SOX5: variants seen among roughly 807,000 people sequenced by gnomAD.
SOX5 encodes SRY-box transcription factor 5, also known as transcription factor SOX-5.
A neutral mutation model predicts 92.0 loss-of-function variants in SOX5; 9 were observed. The observed-to-expected ratio is 0.10, with a 90% CI of 0.06 to 0.17. The LOEUF (loss-of-function observed/expected upper bound fraction) is 0.17. Among genes scored for constraint, SOX5 ranks in the 10% least tolerant of loss-of-function variants. The pLI is 1.00. For synonymous variants in SOX5, 344 were observed against 336.3 expected (o/e 1.02, Z -0.25); for missense variants, 642 against 944.5 (o/e 0.68, Z 4.20).
intron 7 of SOX5, among the ~76,000 whole-genome samples, chr12:23,644,198 C>T (rs879256444): frequency 6.6e-6 from 1 of 152,148 alleles, no homozygotes; most frequent in Non-Finnish European, 1.5e-5. Context: ...TGTGGAAAGA[C>T]TCATATAGCA....
chr12:23,707,738 C>T (rs2091580671), intron 6 of SOX5, among the ~76,000 whole-genome samples: 5 of 151,934 alleles, frequency 3.3e-5, no homozygotes, highest in Middle Eastern at 6.8e-3. Context: ...TATTTTTTAA[C>T]ATAATGTGAC....
chr12:24,445,857 A>G (rs1941389584), intron 1 of SOX5, among the ~76,000 whole-genome samples: 1 of 152,188 alleles, frequency 6.6e-6, no homozygotes, highest in Non-Finnish European at 1.5e-5. Flanking sequence ...ATTGATGGGA[A>G]CAGGGTTAGC....
intron 2 of SOX5, among the ~76,000 whole-genome samples, chr12:24,357,093 AAAT>A (rs368730417): frequency 1.0e-3 from 159 of 152,366 alleles, no homozygotes; most frequent in African/African-American, 3.7e-3. Context: ...AATGTCTTAC[AAAT>A]AATAATTTCT....
At chr12:23,676,438 G>A (rs909285914) in intron 6 of SOX5, among the ~76,000 whole-genome samples, 1 of 152,054 alleles carries the variant, frequency 6.6e-6, no homozygotes, top group Non-Finnish European at 1.5e-5. Context: ...CTCAAAACCC[G>A]GCTTAAGTGT....
At chr12:23,973,451 GC>G (rs1156407813) in intron 4 of SOX5, among the ~76,000 whole-genome samples, 1 of 152,112 alleles carries the variant, frequency 6.6e-6, no homozygotes, top group Admixed American at 6.5e-5. Context: ...GAGCTGCGGT[GC>G]CCAGCCAGAA....
intron 1 of SOX5, among the ~76,000 whole-genome samples, chr12:24,388,943 A>C (rs1958692999): frequency 6.6e-6 from 1 of 152,074 alleles, no homozygotes; most frequent in South Asian, 2.1e-4. Flanking sequence ...AGCATGTATC[A>C]ATATATTATT....
At chr12:23,773,192 T>G (rs2094989845) in intron 3 of SOX5, among the ~76,000 whole-genome samples, 1 of 152,160 alleles carries the variant, frequency 6.6e-6, no homozygotes, top group African/African-American at 2.4e-5. Context: ...TTTATATATA[T>G]AGATATGAGT....
chr12:24,082,840 T>C (rs1210744272), intron 4 of SOX5, among the ~76,000 whole-genome samples: 2 of 151,978 alleles, frequency 1.3e-5, no homozygotes, highest in African/African-American at 4.8e-5. Flanking sequence ...ATATACTTTA[T>C]AAATTCTTCA....
rs1323015090 is a variant in SOX5, at chr12:23,604,479, G to C, written c.1072C>G (p.Pro358Ala). The part of the protein sequence containing the change: ...AMQVSPGGKL[P>A]GIPQGNLGAA... ...CCAAGGTTGCCTTGGGGTATGCCTG[G>C]CAGCTTCCCTCCTGGAGATACCTGC... Residue 358 changes from proline (P) to alanine (A), a missense_variant, in exon 9 of 15, where the codon CCA becomes GCA. Pro to Ala is a conservative substitution (Grantham distance 27). Around this residue, in one of 8 missense-constraint regions of SOX5, gnomAD observed 324 missense variants for 461.6 expected, o/e 0.70. Coordinates refer to ENST00000451604, the MANE Select transcript of SOX5 (RefSeq NM_006940.6). 6.2e-7 allele frequency: 1 copy of C among 1,613,772 alleles called. No homozygotes were observed. Among genetic ancestry groups the C allele is most frequent in the Admixed American group, 1.7e-5 (1 of 59,972 alleles).
chr12:23,752,566 T>C (rs1414694937), intron 4 of SOX5, among the ~76,000 whole-genome samples: 1 of 151,814 alleles, frequency 6.6e-6, no homozygotes, highest in Non-Finnish European at 1.5e-5. Flanking sequence ...ACCTTCGGTG[T>C]AATGGAATTT....
intron 3 of SOX5, among the ~76,000 whole-genome samples, chr12:24,217,845 A>G (rs1959390932): frequency 6.6e-6 from 1 of 152,232 alleles, no homozygotes; most frequent in Non-Finnish European, 1.5e-5. Flanking sequence ...GATCTGATAG[A>G]CATTTCACTA....
At chr12:24,331,114 C>A (rs1951256727) in intron 2 of SOX5, among the ~76,000 whole-genome samples, 2 of 152,018 alleles carry the variant, frequency 1.3e-5, no homozygotes, top group Non-Finnish European at 2.9e-5. Flanking sequence ...AAACAGTCAG[C>A]TTCCCAAGTC....
chr12:23,708,772 G>T (rs1232545027), intron 6 of SOX5, among the ~76,000 whole-genome samples: 7 of 152,140 alleles, frequency 4.6e-5, no homozygotes, highest in Non-Finnish European at 1.0e-4. Context: ...GCGGTGGAAG[G>T]CATCAAAAAT....
intron 2 of SOX5, among the ~76,000 whole-genome samples, chr12:24,310,734 T>C (rs1313631150): frequency 6.6e-6 from 1 of 152,146 alleles, no homozygotes; most frequent in African/African-American, 2.4e-5. Context: ...TGAATTCCAT[T>C]TGCAAATAAC....
At position 24,065,633 on chromosome 12, in the gene SOX5, G is replaced by A. The variant is rs376372545; in HGVS notation, c.-2+147710C>T. Among the ~76,000 whole-genome samples, 158 of 123,688 alleles carry A rather than the reference G, an allele frequency of 1.3e-3. 1 individual carries two copies. In the East Asian group the frequency reaches 0.02, roughly 16 times the overall value. The allele number at this position is 123,688 out of a possible 152,430, so 81.1% of individuals were successfully genotyped here. A position where few individuals can be genotyped will look rare whatever the true frequency, so the allele number is the denominator to read the frequency against. ...CTACACTCCAGCCTGGCGACAGAGCGAGACTCCATCTCAAAAAAAAAAAAA... is the reference window on the plus strand; with the variant it reads ...CTACACTCCAGCCTGGCGACAGAGCAAGACTCCATCTCAAAAAAAAAAAAA... On this transcript the variant is annotated intron_variant, in intron 4 of 4. Coordinates refer to the SOX5 transcript ENST00000446891.
rs367659179 is a variant in SOX5 at position 23,845,969 on chromosome 12, C to G, written c.481+14G>C. 6.8e-6 allele frequency: 11 copies of G among 1,607,124 alleles called. No homozygotes were observed. The highest frequency in any genetic ancestry group is 1.3e-5 in the African/African-American group (1 of 74,776). On this transcript the variant is annotated intron_variant, in intron 3 of 14. Coordinates refer to ENST00000451604, the MANE Select transcript of SOX5 (RefSeq NM_006940.6). ...GGACACAGCATCAACTTTGTTTTCT[C>G]TTCCAGCCTTTACCTTCCGGCTCGT...
chr12:24,408,056 G>A (rs1963347398), intron 1 of SOX5, among the ~76,000 whole-genome samples: 1 of 152,126 alleles, frequency 6.6e-6, no homozygotes. Flanking sequence ...TGAATGAGCA[G>A]GCCAGAGAAA....
intron 2 of SOX5, among the ~76,000 whole-genome samples, chr12:24,358,963 C>T (rs1411965115): frequency 6.6e-6 from 1 of 152,202 alleles, no homozygotes; most frequent in Non-Finnish European, 1.5e-5. Flanking sequence ...ATATATCTAT[C>T]CCCACTTCTC....
intron 2 of SOX5, among the ~76,000 whole-genome samples, chr12:24,281,027 C>G (rs1416684388): frequency 2.1e-5 from 3 of 145,492 alleles, no homozygotes; most frequent in Admixed American, 6.8e-5. Flanking sequence ...AAAAACAAAC[C>G]TAAAAATTAA....
Sources: gnomAD v4.1 joint callset for allele counts (sites outside exome capture counted in the v4.1 genomes callset) on GRCh38, gnomAD v4.1.1 for gene constraint, gnomAD v4.1.1 regional missense constraint, MANE v1.5 for transcripts, NCBI Gene and HGNC (gene_info 2026-07-23, HGNC 2026-07-21) for gene names.